ITPR1: variants seen among roughly 807,000 people sequenced by gnomAD.
ITPR1 encodes the protein inositol 1,4,5-trisphosphate-gated calcium channel ITPR1.
Under a neutral mutation model 318.4 loss-of-function variants are expected in ITPR1, and 96 were observed. The observed-to-expected ratio is 0.30, with a 90% CI of 0.26 to 0.36. The LOEUF is 0.36. Among genes scored for constraint, ITPR1 ranks in the 10% least tolerant of loss-of-function variants. The probability of loss-of-function intolerance (pLI) is 1.00; values close to 1 mark genes in which losing one functional copy is unlikely to be tolerated. For missense variants in ITPR1, 2,440 were observed against 3,460.2 expected, an observed-to-expected ratio of 0.71 and a Z score of 7.40; for synonymous variants, 1,312 against 1,289.9, an observed-to-expected ratio of 1.02 and a Z score of -0.37.
chr3:4,842,025 T>G (rs376590846), intron 61 of ITPR1, among the ~76,000 whole-genome samples: 15 of 152,340 alleles, frequency 9.8e-5, no homozygotes, highest in African/African-American at 3.6e-4. Context: ...AAGCAGCTTT[T>G]CAAAGACTAT....
intron 42 of ITPR1, among the ~76,000 whole-genome samples, chr3:4,732,479 A>G (rs371729404): frequency 0.11 from 3,662 of 34,342 alleles, 146 homozygotes; most frequent in African/African-American, 0.13. Flanking sequence ...CATTTTACCT[A>G]TGTTGGGTTT....
intron 38 of ITPR1, 57 bp from the exon 39 acceptor site, chr3:4,711,700 T>C: frequency 1.1e-6 from 1 of 902,498 alleles, no homozygotes; most frequent in Non-Finnish European, 1.8e-6. Flanking sequence ...GCTTGTGAAG[T>C]CTTTTTAATT....
chr3:4,708,587 T>C (rs1041949637), intron 37 of ITPR1, among the ~76,000 whole-genome samples: 1 of 152,256 alleles, frequency 6.6e-6, no homozygotes, highest in Non-Finnish European at 1.5e-5. Context: ...GAGCATACAG[T>C]ATTTTCTCGC....
chr3:4,683,185 A>G (rs553073631), intron 26 of ITPR1, among the ~76,000 whole-genome samples: 1 of 152,354 alleles, frequency 6.6e-6, no homozygotes, highest in South Asian at 2.1e-4. Flanking sequence ...TTAATATGAC[A>G]TCTTCCTTGT....
intron 4 of ITPR1, among the ~76,000 whole-genome samples, chr3:4,558,421 C>T (rs1418992646): frequency 2.6e-5 from 4 of 151,870 alleles, no homozygotes; most frequent in African/African-American, 4.8e-5. Context: ...TTACAAAGCT[C>T]GTGGTTATAA....
In ITPR1 at chr3:4,662,065, A is replaced by G; in HGVS notation, c.1252-17A>G. 1 of 1,610,218 alleles carries G rather than the reference A, an allele frequency of 6.2e-7. No homozygotes were observed. The highest frequency in any genetic ancestry group is 8.5e-7 in the Non-Finnish European group (1 of 1,177,096). ...CCATCCAAGAGATTATCTCACAAGG[A>G]CCACCTTGAATTTCAGATTGGCACC... On this transcript the variant is annotated splice_polypyrimidine_tract_variant and intron_variant, in intron 14 of 61. Transcript: ENST00000649015.
At chr3:4,659,528 A>C (rs1350805717) in intron 13 of ITPR1, among the ~76,000 whole-genome samples, 1 of 152,044 alleles carries the variant, frequency 6.6e-6, no homozygotes, top group Non-Finnish European at 1.5e-5. Flanking sequence ...TACAAAAAAA[A>C]TGCAAAAATT....
intron 53 of ITPR1, among the ~76,000 whole-genome samples, chr3:4,798,729 A>G (rs1004183375): frequency 1.3e-5 from 2 of 152,264 alleles, no homozygotes; most frequent in African/African-American, 4.8e-5. Context: ...TAATATATCC[A>G]TACTATAATA....
intron 35 of ITPR1, 61 bp from the exon 36 acceptor site, chr3:4,702,769 A>G: frequency 6.4e-7 from 1 of 1,554,578 alleles, no homozygotes; most frequent in Non-Finnish European, 8.8e-7. Context: ...CTCTGATCGG[A>G]TCATCAGTAG....
intron 60 of ITPR1, among the ~76,000 whole-genome samples, chr3:4,823,338 G>A (rs1038525185): frequency 6.6e-6 from 1 of 152,110 alleles, no homozygotes; most frequent in Non-Finnish European, 1.5e-5. Flanking sequence ...GCATTAAGAA[G>A]GAAGGTTGGT....
intron 49 of ITPR1, 171 bp from the exon 50 acceptor site, chr3:4,782,448 G>A (rs1049388203): frequency 1.9e-5 from 10 of 522,258 alleles, no homozygotes; most frequent in African/African-American, 5.8e-5. Context: ...TGGTATTGAT[G>A]GCCTGTGCCA....
chr3:4,642,874 G>A (rs1029768451), intron 7 of ITPR1, among the ~76,000 whole-genome samples: 3 of 152,224 alleles, frequency 2.0e-5, no homozygotes, highest in Non-Finnish European at 4.4e-5. Context: ...CACAGTGACT[G>A]TGGTTAAATT....
intron 51 of ITPR1, among the ~76,000 whole-genome samples, chr3:4,784,198 C>T (rs1322116625): frequency 6.6e-6 from 1 of 152,160 alleles, no homozygotes; most frequent in Non-Finnish European, 1.5e-5. Context: ...GCAGAGGGAC[C>T]TGCTGTAGAT....
chr3:4,838,710 G>A (rs1020584096), intron 61 of ITPR1, among the ~76,000 whole-genome samples: 5 of 152,200 alleles, frequency 3.3e-5, no homozygotes, highest in African/African-American at 1.2e-4. Context: ...CAATGCGAGT[G>A]GCATTCATTC....
chr3:4,828,922 A>G (rs189780933), intron 60 of ITPR1, among the ~76,000 whole-genome samples: 45 of 152,238 alleles, frequency 3.0e-4, no homozygotes, highest in African/African-American at 1.1e-3. Context: ...AAAAAGAGAA[A>G]TCAGTATCCC....
intron 37 of ITPR1, among the ~76,000 whole-genome samples, chr3:4,707,090 A>G (rs1252765214): frequency 1.3e-5 from 2 of 152,224 alleles, no homozygotes; most frequent in Non-Finnish European, 2.9e-5. Context: ...ATCTTGGGAA[A>G]GTTACTTGAC....
rs571944361 is a variant in ITPR1, at chr3:4,590,338, G to C, written c.164-37425G>C. 7.0e-4 allele frequency among the ~76,000 whole-genome samples: 106 copies of C among 151,756 alleles called. 1 individual carries two copies. Among genetic ancestry groups the C allele is most frequent in the Non-Finnish European group, 1.2e-3 (84 of 67,948 alleles). On this transcript the variant is annotated intron_variant, in intron 4 of 61. Coordinates refer to ENST00000649015, the MANE Select transcript of ITPR1 (RefSeq NM_001378452.1). ...GTTGAACACTGTATTCCTGATACCT[G>C]GAACAGTGTCTGGCCATAAGCAGAT...
intron 4 of ITPR1, among the ~76,000 whole-genome samples, chr3:4,551,870 G>A (rs950636995): frequency 6.6e-6 from 1 of 152,162 alleles, no homozygotes; most frequent in African/African-American, 2.4e-5. Flanking sequence ...TGCTGTCTGA[G>A]GCAAGGTCCC....
At chr3:4,516,715 C>A in intron 3 of ITPR1, 132 bp downstream of exon 3, 1 of 672,494 alleles carries the variant, frequency 1.5e-6, no homozygotes, top group Non-Finnish European at 2.6e-6. Flanking sequence ...AAATCACAAA[C>A]ACCAAATCTC....
Sources: gnomAD v4.1 joint callset for allele counts (sites outside exome capture counted in the v4.1 genomes callset) on GRCh38, gnomAD v4.1.1 for gene constraint, MANE v1.5 for transcripts, NCBI Gene and HGNC (gene_info 2026-07-23, HGNC 2026-07-21) for gene names.